The following MYH2 variants were observed in gnomAD, a reference collection of about 807,000 sequenced individuals.
MYH2 encodes myosin heavy chain 2, also known as myosin-2.
In MYH2, 139 loss-of-function variants were observed where a neutral mutation model predicts 228.1. That is an observed-to-expected ratio of 0.61 (90% CI 0.53 to 0.70). The LOEUF is 0.70. MYH2 is among the 30% of genes least tolerant of loss of function. The probability of loss-of-function intolerance (pLI) is 0.00; values close to 1 mark genes in which losing one functional copy is unlikely to be tolerated. For synonymous variants in MYH2, 796 were observed against 871.1 expected, an observed-to-expected ratio of 0.91 and a Z score of 1.52; for missense variants, 1,809 against 2,357.5, an observed-to-expected ratio of 0.77 and a Z score of 4.82.
chr17:10,536,409 G>T, intron 17 of MYH2, 121 bp downstream of exon 17: 2 of 744,354 alleles, frequency 2.7e-6, no homozygotes, highest in Non-Finnish European at 4.4e-6. Flanking sequence ...AATGTAATGT[G>T]ATATTAGTAT....
At chr17:10,542,296 C>G (rs2073566803) in intron 10 of MYH2, among the ~76,000 whole-genome samples, 1 of 152,018 alleles carries the variant, frequency 6.6e-6, no homozygotes, top group African/African-American at 2.4e-5. Flanking sequence ...AACAAACAAA[C>G]AAAACTATTG....
Position 10,525,257 on chromosome 17 carries a change from C to T in MYH2, c.4629G>A (p.Lys1543=), listed in dbSNP as rs776862337. The T allele has an allele frequency of 6.2e-7, 1 of 1,614,112 alleles. No individual in the cohort carries two copies. Among genetic ancestry groups the T allele is most frequent in the Non-Finnish European group, 8.5e-7 (1 of 1,180,010 alleles). The change falls in exon 33 of 40, where the codon AAG becomes AAA. Residue 1543 remains lysine (K), a synonymous_variant. Transcript: ENST00000245503. The surrounding 1 kb of genome is among the most constrained non-coding windows in gnomAD (Gnocchi z 4.2). ...EKIKKQVEQE[K]CELQAALEEA... is the part of the protein sequence containing the mutation. ...CTTCTAAAGCAGCCTGAAGTTCACA[C>T]TTTTCTTGTTCCACTTGTTTCTTTA...
chr17:10,540,546 T>C (rs369798069), intron 11 of MYH2, 48 bp downstream of exon 11: 52 of 1,454,192 alleles, frequency 3.6e-5, no homozygotes, highest in Non-Finnish European at 4.7e-5. Flanking sequence ...TGGATCACCA[T>C]TACTCTGACC....
chr17:10,526,393 T>C (rs2073354042), intron 30 of MYH2, among the ~76,000 whole-genome samples: 1 of 152,214 alleles, frequency 6.6e-6, no homozygotes, highest in South Asian at 2.1e-4. Context: ...TTTGCTCTTC[T>C]TTGTTTTCTT....
chr17:10,540,671 A>G lies in MYH2; in HGVS notation c.931T>C (p.Tyr311His). Residue 311 changes from tyrosine (Y) to histidine (H), a missense_variant, in exon 11 of 40, where the codon TAT becomes CAT. Around this residue, in one of 9 missense-constraint regions of MYH2, gnomAD observed 373 missense variants for 620.4 expected, o/e 0.60. Coordinates refer to ENST00000245503, the MANE Select transcript of MYH2 (RefSeq NM_017534.6). ...IEMLLITTNP[Y>H]DYPFVSQGEI... is the part of the protein sequence containing the mutation. ...CCTTGACTGACAAATGGGTAATCAT[A>G]TGGGTTCGTGGTAATCAGAAGCATT... The G allele has an allele frequency of 1.2e-6, 2 of 1,612,874 alleles. No homozygotes were observed. The highest frequency in any genetic ancestry group is 1.7e-6 in the Non-Finnish European group (2 of 1,178,838).
intron 29 of MYH2, 23 bp downstream of exon 29, chr17:10,526,915 A>C: frequency 6.2e-7 from 1 of 1,613,522 alleles, no homozygotes; most frequent in Non-Finnish European, 8.5e-7. Context: ...GAGGGAAAAA[A>C]TCAGTCTTAG....
intron 10 of MYH2, among the ~76,000 whole-genome samples, chr17:10,542,332 T>C (rs1431350444): frequency 6.6e-6 from 1 of 152,018 alleles, no homozygotes; most frequent in Non-Finnish European, 1.5e-5. Context: ...AATCACATAA[T>C]GGGAAAAGTT....
chr17:10,542,706 T>C (rs1567736217), intron 10 of MYH2, among the ~76,000 whole-genome samples, 169 bp downstream of exon 10: 1 of 152,234 alleles, frequency 6.6e-6, no homozygotes, highest in Non-Finnish European at 1.5e-5. Flanking sequence ...TTGATTTCCT[T>C]TGAATTTTTC....
At position 10,537,175 on chromosome 17, in the gene MYH2, T is replaced by C; in HGVS notation, c.1897+58A>G. 1 of 1,608,984 alleles carries C rather than the reference T, an allele frequency of 6.2e-7. No individual in the cohort carries two copies. Among genetic ancestry groups the C allele is most frequent in the Non-Finnish European group, 8.5e-7 (1 of 1,176,210 alleles). On this transcript the variant is annotated intron_variant, in intron 16 of 39. Transcript: ENST00000245503. The surrounding 1 kb of genome is among the most constrained non-coding windows in gnomAD (Gnocchi z 4.0). ...TGCCAGACCTAAGAGATCACTAGCT[T>C]CAATTTAACATCACATTTTGTAATA...
Position 10,526,593 on chromosome 17 carries a change from A to G in MYH2, c.4187+6T>C, listed in dbSNP as rs748256368. The G allele has an allele frequency of 5.0e-6, 8 of 1,614,000 alleles. No individual in the cohort carries two copies. In the Admixed American group the frequency reaches 1.0e-4, roughly 20 times the overall value. On this transcript the variant is annotated splice_donor_region_variant and intron_variant, in intron 30 of 39. Transcript: ENST00000245503. ...TCTGCTCATTCTCTCATATCTGTGC[A>G]CATACTTGGCCTCCTCCAGCTCCTC...
intron 21 of MYH2, 67 bp from the exon 22 acceptor site, chr17:10,531,955 G>T: frequency 6.3e-7 from 1 of 1,586,632 alleles, no homozygotes; most frequent in Non-Finnish European, 8.6e-7. Flanking sequence ...TTGGCAGTGA[G>T]AGTTGGAGGT....
chr17:10,533,763 T>C (rs539201221), intron 19 of MYH2, 131 bp from the exon 20 acceptor site: 2 of 1,279,564 alleles, frequency 1.6e-6, no homozygotes, highest in South Asian at 2.7e-5. Flanking sequence ...GAGAACATTG[T>C]TTATTTGAAT....
intron 2 of MYH2, among the ~76,000 whole-genome samples, chr17:10,548,330 G>A (rs2073660736): frequency 6.6e-6 from 1 of 152,160 alleles, no homozygotes; most frequent in Non-Finnish European, 1.5e-5. Flanking sequence ...CACAGCCCAT[G>A]ATATATGTGA....
At position 10,527,958 on chromosome 17, in the gene MYH2, A is replaced by G. The variant is rs12952334; in HGVS notation, c.3745-84T>C. 0.43 allele frequency: 631,254 copies of G among 1,460,870 alleles called. 143,394 individuals carry two copies. The highest frequency in any genetic ancestry group is 0.83 in the East Asian group (36,482 of 43,886). The allele number at this position is 1,460,870 out of a possible 1,614,324, so 90.5% of individuals were successfully genotyped here. ...TTTGCAGTTACTGTAACTTCTCCCC[A>G]AAATAAAAAATACAATATTTATCTT... is the stretch of plus-strand genomic sequence containing the variant. On this transcript the variant is annotated intron_variant, in intron 27 of 39. Transcript: ENST00000245503.
At position 10,529,020 on chromosome 17, in the gene MYH2, T is replaced by C; in HGVS notation, c.3414A>G (p.Ala1138=). Residue 1138 remains alanine, a synonymous_variant, in exon 27 of 40, where the codon GCA becomes GCG. Transcript: ENST00000245503. ...IEAERASRAK[A]EKQRSDLSRE... Reference sequence around the variant, plus strand: ...GGGAGAGGTCAGAGCGCTGCTTCTCTGCTTTGGCCCGGGAGGCCCGCTCTG... The same window carrying C: ...GGGAGAGGTCAGAGCGCTGCTTCTCCGCTTTGGCCCGGGAGGCCCGCTCTG... 2 of 1,614,232 alleles carry C rather than the reference T, an allele frequency of 1.2e-6. No homozygotes were observed. The highest frequency in any genetic ancestry group is 8.5e-7 in the Non-Finnish European group (1 of 1,180,042).
At chr17:10,538,377 A>T (rs1432409716) in intron 14 of MYH2, among the ~76,000 whole-genome samples, 4 of 152,084 alleles carry the variant, frequency 2.6e-5, no homozygotes, top group South Asian at 2.1e-4. Context: ...TTGTATTTTT[A>T]AAAATTCCCC....
chr17:10,523,944 C>A (rs114188902), intron 35 of MYH2, 60 bp from the exon 36 acceptor site: 2 of 1,533,462 alleles, frequency 1.3e-6, no homozygotes, highest in East Asian at 4.5e-5. Context: ...TATTGGTAAC[C>A]ACTTCTTGAA....
Position 10,525,002 on chromosome 17 carries a change from A to C in MYH2, c.4726T>G (p.Ser1576Ala). ...TCAGCAATTTTCCTATCAACCTCAG[A>C]CTTGACTTGGTTCAACTCAAGCTGG... is the stretch of plus-strand genomic sequence containing the variant. ...RIQLELNQVK[S>A]EVDRKIAEKD... The change falls in exon 34 of 40, where the codon TCT (serine) becomes GCT (alanine). Residue 1576 changes from serine (S) to alanine (A), a missense_variant. Physicochemically the swap from Ser to Ala is moderately conservative, Grantham distance 99 (BLOSUM62 1). This residue lies in a region of MYH2 where 636 missense variants were observed against 729.9 expected (regional missense o/e 0.87). Coordinates refer to ENST00000245503, the MANE Select transcript of MYH2 (RefSeq NM_017534.6). The surrounding 1 kb of genome is among the most constrained non-coding windows in gnomAD (Gnocchi z 4.2). 6.2e-7 allele frequency: 1 copy of C among 1,613,952 alleles called. No individual in the cohort carries two copies. The highest frequency in any genetic ancestry group is 1.7e-5 in the Admixed American group (1 of 60,000).
rs71360270 is a variant in MYH2 at position 10,533,712 on chromosome 17, T to A, written c.2181-80A>T. 0.056 allele frequency: 84,765 copies of A among 1,525,602 alleles called. 2,786 individuals are homozygous for A. Among genetic ancestry groups the A allele is most frequent in the South Asian group, 0.11 (9,717 of 88,142 alleles). The allele number at this position is 1,525,602 out of a possible 1,614,324, so 94.5% of individuals were successfully genotyped here. On this transcript the variant is annotated intron_variant, in intron 19 of 39. Coordinates refer to ENST00000245503, the MANE Select transcript of MYH2 (RefSeq NM_017534.6). ...GCTAAACATTAAATGATTCATTTTTTAAAGCAGAGCTTTAAAAAAATATTA... is the reference window on the plus strand; with the variant it reads ...GCTAAACATTAAATGATTCATTTTTAAAAGCAGAGCTTTAAAAAAATATTA...
Sources: gnomAD v4.1 joint callset for allele counts (sites outside exome capture counted in the v4.1 genomes callset) on GRCh38, gnomAD v4.1.1 for gene constraint, gnomAD v4.1.1 regional missense constraint, Gnocchi (gnomAD v3.1) non-coding constraint, MANE v1.5 for transcripts, NCBI Gene and HGNC (gene_info 2026-07-23, HGNC 2026-07-21) for gene names.